Variants in PDX1 observed in about 807,000 individuals in gnomAD.
PDX1 encodes pancreatic and duodenal homeobox 1, also known as pancreas/duodenum homeobox protein 1.
Under a neutral mutation model 11.1 loss-of-function variants are expected in PDX1, and 7 were observed. The ratio of observed to expected loss-of-function variants is 0.63; its 90% CI spans 0.36 to 1.19. The LOEUF (loss-of-function observed/expected upper bound fraction) is 1.19. Ranked by LOEUF, PDX1 falls within the 50% of genes most tolerant of loss-of-function variation. The pLI, the probability that PDX1 is intolerant of heterozygous loss-of-function variation, is 0.02. For synonymous variants in PDX1, 232 were observed against 196.2 expected (o/e 1.18, Z -1.53); for missense variants, 449 against 412.1 (o/e 1.09, Z -0.78).
At chr13:27,921,441 G>T (rs1392889441) in intron 1 of PDX1, among the ~76,000 whole-genome samples, 2 of 152,222 alleles carry the variant, frequency 1.3e-5, no homozygotes, top group Non-Finnish European at 1.5e-5. Flanking sequence ...TTGCGGCCCC[G>T]CGCGAGCGGC....
Position 27,924,416 on chromosome 13 carries a change from C to T in PDX1, c.567C>T (p.His189=). The change falls in exon 2 of 2, where the codon CAC becomes CAT. Residue 189 remains histidine, a synonymous_variant. Transcript: ENST00000381033. The surrounding 1 kb of genome is among the most constrained non-coding windows in gnomAD (Gnocchi z 4.8). ...LAVMLNLTER[H]IKIWFQNRRM... ...TCATGTTGAACTTGACCGAGAGACA[C>T]ATCAAGATCTGGTTCCAAAACCGCC... 1.1e-5 allele frequency: 17 copies of T among 1,613,300 alleles called. No individual in the cohort carries two copies. Among genetic ancestry groups the T allele is most frequent in the Non-Finnish European group, 1.4e-5 (17 of 1,179,952 alleles).
chr13:27,920,636 G>C (rs1957779037), intron 1 of PDX1, 92 bp downstream of exon 1: 9 of 1,378,354 alleles, frequency 6.5e-6, no homozygotes, highest in Non-Finnish European at 9.2e-6. Flanking sequence ...TCTGTTCCCG[G>C]CGCCTTGGAT....
chr13:27,924,672 G>A lies in PDX1; in HGVS notation c.823G>A (p.Ala275Thr). The change falls in exon 2 of 2, where the codon GCG becomes ACG. Residue 275 changes from alanine (A) to threonine (T), a missense_variant. Physicochemically the swap from Ala to Thr is moderately conservative, Grantham distance 58 (BLOSUM62 0). Around this residue, in one of 3 missense-constraint regions of PDX1, gnomAD observed 139 missense variants for 121.4 expected, o/e 1.14. Transcript: ENST00000381033. This position sits in a 1 kb window ranked among gnomAD's most constrained non-coding sequence, Gnocchi z 4.8. ...CGCGTCGCCACAGCCCTCCAGCGTC[G>A]CGCCTCGGCGGCCGCAGGAACCACG... ...LSASPQPSSVAPRRPQEPR is the reference protein window; with the variant it reads ...LSASPQPSSVTPRRPQEPR The A allele has an allele frequency of 6.8e-7, 1 of 1,469,126 alleles. No homozygotes were observed. The highest frequency in any genetic ancestry group is 9.0e-7 in the Non-Finnish European group (1 of 1,115,818). The allele number at this position is 1,469,126 out of a possible 1,614,324, so 91.0% of individuals were successfully genotyped here. A position where few individuals can be genotyped will look rare whatever the true frequency, so the allele number is the denominator to read the frequency against.
chr13:27,922,912 C>A (rs540102428), intron 1 of PDX1, among the ~76,000 whole-genome samples: 12 of 152,192 alleles, frequency 7.9e-5, no homozygotes, highest in Non-Finnish European at 1.5e-4. Flanking sequence ...TTCGGGGATG[C>A]CCCCAGGGAG....
Position 27,925,229 on chromosome 13 carries a change from G to T in PDX1, c.*528G>T. On this transcript the variant is annotated 3_prime_UTR_variant, in exon 2 of 2. Coordinates refer to ENST00000381033, the MANE Select transcript of PDX1 (RefSeq NM_000209.4). ...CAAAGATCCCGTGAAATTGATGCCA[G>T]TGGAATACAGTGAGTCCTCCTCTTC... is the stretch of plus-strand genomic sequence containing the variant. 1 of 191,250 alleles carries T rather than the reference G, an allele frequency of 5.2e-6. No individual in the cohort carries two copies. Among genetic ancestry groups the T allele is most frequent in the Non-Finnish European group, 1.1e-5 (1 of 90,420 alleles). The allele number at this position is 191,250 out of a possible 1,614,324, so 11.8% of individuals were successfully genotyped here. A position where few individuals can be genotyped will look rare whatever the true frequency, so the allele number is the denominator to read the frequency against.
chr13:27,921,052 A>G (rs1199647039), intron 1 of PDX1, among the ~76,000 whole-genome samples: 4 of 152,154 alleles, frequency 2.6e-5, no homozygotes, highest in Admixed American at 2.6e-4. Flanking sequence ...GTAGGTGCAG[A>G]AAGGCAGGGA....
Position 27,924,154 on chromosome 13 carries a change from G to C in PDX1, c.407-102G>C. Reference sequence around the variant, plus strand: ...TTGGTGGCTCCGGCGGGAGCAGCTGGTAGGGCTAGGGCTCCCTGGCCCCCC... The same window carrying C: ...TTGGTGGCTCCGGCGGGAGCAGCTGCTAGGGCTAGGGCTCCCTGGCCCCCC... On this transcript the variant is annotated intron_variant, in intron 1 of 1. Coordinates refer to ENST00000381033, the MANE Select transcript of PDX1 (RefSeq NM_000209.4). The surrounding 1 kb of genome is among the most constrained non-coding windows in gnomAD (Gnocchi z 4.8). The C allele has an allele frequency of 9.8e-7, 1 of 1,021,654 alleles. No homozygotes were observed. The highest frequency in any genetic ancestry group is 2.7e-5 in the East Asian group (1 of 36,400). The allele number at this position is 1,021,654 out of a possible 1,614,324, so 63.3% of individuals were successfully genotyped here.
chr13:27,924,959 A>G lies in PDX1; in HGVS notation c.*258A>G. On this transcript the variant is annotated 3_prime_UTR_variant, in exon 2 of 2. Transcript: ENST00000381033. The surrounding 1 kb of genome is among the most constrained non-coding windows in gnomAD (Gnocchi z 4.8). ...GTAGTATTGGGGCCCTCTTTTAGTG[A>G]TACTGGATTGGCGTTGTTTGTGGCT... 7.3e-6 allele frequency: 3 copies of G among 409,624 alleles called. No homozygotes were observed. The highest frequency in any genetic ancestry group is 8.5e-6 in the Non-Finnish European group (2 of 235,172). 25.4% of individuals were successfully genotyped at this position (409,624 alleles called of 1,614,324 possible).
Position 27,924,576 on chromosome 13 carries a change from C to A in PDX1, c.727C>A (p.Pro243Thr), listed in dbSNP as rs955246004. Residue 243 changes from proline (P) to threonine (T), a missense_variant, in exon 2 of 2, where the codon CCC becomes ACC. Pro to Thr is a conservative substitution (Grantham distance 38). Coordinates refer to ENST00000381033, the MANE Select transcript of PDX1 (RefSeq NM_000209.4). This position sits in a 1 kb window ranked among gnomAD's most constrained non-coding sequence, Gnocchi z 4.8. ...EELLALPPPP[P>T]PGGAVPPAAP... ...GCTTCTGGCGCTGCCGCCGCCGCCG[C>A]CCCCCGGAGGTGCTGTGCCGCCCGC... The A allele has an allele frequency of 2.7e-6, 4 of 1,506,018 alleles. No individual in the cohort carries two copies. The highest frequency in any genetic ancestry group is 3.5e-6 in the Non-Finnish European group (4 of 1,132,182). 93.3% of individuals were successfully genotyped at this position (1,506,018 alleles called of 1,614,324 possible). A position where few individuals can be genotyped will look rare whatever the true frequency, so the allele number is the denominator to read the frequency against.
chr13:27,921,900 G>A (rs1438818820), intron 1 of PDX1, among the ~76,000 whole-genome samples: 1 of 152,172 alleles, frequency 6.6e-6, no homozygotes, highest in Non-Finnish European at 1.5e-5. Flanking sequence ...GCGCAGCCCG[G>A]GCCAAAGGCC....
intron 1 of PDX1, 61 bp downstream of exon 1, chr13:27,920,605 A>G (rs1371701623): frequency 1.9e-6 from 3 of 1,559,342 alleles, no homozygotes; most frequent in South Asian, 2.2e-5. Flanking sequence ...CTTACCTCCA[A>G]GCGCTCCCAG....
rs775667083 is a variant in PDX1, at chr13:27,924,666, A to G, written c.817A>G (p.Ser273Gly). The change falls in exon 2 of 2, where the codon AGC (serine) becomes GGC (glycine). Residue 273 changes from serine (S) to glycine (G), a missense_variant. By Grantham distance (56) the Ser-to-Gly change is moderately conservative (BLOSUM62 0). Coordinates refer to ENST00000381033, the MANE Select transcript of PDX1 (RefSeq NM_000209.4). The surrounding 1 kb of genome is among the most constrained non-coding windows in gnomAD (Gnocchi z 4.8). ...CCTTAGCGCGTCGCCACAGCCCTCC[A>G]GCGTCGCGCCTCGGCGGCCGCAGGA... ...PGLSASPQPS[S>G]VAPRRPQEPR The G allele has an allele frequency of 7.3e-5, 107 of 1,471,960 alleles. No individual in the cohort carries two copies. Among genetic ancestry groups the G allele is most frequent in the Non-Finnish European group, 8.8e-5 (98 of 1,117,164 alleles). 91.2% of individuals were successfully genotyped at this position (1,471,960 alleles called of 1,614,324 possible).
chr13:27,924,109 C>T lies in PDX1; in HGVS notation c.407-147C>T. On this transcript the variant is annotated intron_variant, in intron 1 of 1. Coordinates refer to ENST00000381033, the MANE Select transcript of PDX1 (RefSeq NM_000209.4). The surrounding 1 kb of genome is among the most constrained non-coding windows in gnomAD (Gnocchi z 4.8). ...GAGCTTCGCGCGCCTACACTAGGCGCTGAAATGGGATGCTGGGGCTTGGTG... is the reference window on the plus strand; with the variant it reads ...GAGCTTCGCGCGCCTACACTAGGCGTTGAAATGGGATGCTGGGGCTTGGTG... 1.5e-6 allele frequency: 1 copy of T among 653,316 alleles called. No homozygotes were observed. The highest frequency in any genetic ancestry group is 2.5e-6 in the Non-Finnish European group (1 of 396,986). The allele number at this position is 653,316 out of a possible 1,614,324, so 40.5% of individuals were successfully genotyped here. A position where few individuals can be genotyped will look rare whatever the true frequency, so the allele number is the denominator to read the frequency against.
chr13:27,922,781 C>CCGCA (rs1957797130), intron 1 of PDX1, among the ~76,000 whole-genome samples: 1 of 152,204 alleles, frequency 6.6e-6, no homozygotes, highest in African/African-American at 2.4e-5. Context: ...TATACGAAGC[C>CCGCA]CGCAGCCTAA....
rs1957805765 is a variant in PDX1, at chr13:27,924,081, G to A, written c.407-175G>A. 1.3e-5 allele frequency among the ~76,000 whole-genome samples: 2 copies of A among 152,236 alleles called. No individual in the cohort carries two copies. The highest frequency in any genetic ancestry group is 4.8e-5 in the African/African-American group (2 of 41,458). On this transcript the variant is annotated intron_variant, in intron 1 of 1. Transcript: ENST00000381033. This position sits in a 1 kb window ranked among gnomAD's most constrained non-coding sequence, Gnocchi z 4.8. ...ATTAGGAAGGGCTTGAGTTACTAGG[G>A]AAGAGCTTCGCGCGCCTACACTAGG...
intron 1 of PDX1, among the ~76,000 whole-genome samples, chr13:27,921,546 C>T (rs911089925): frequency 6.6e-6 from 1 of 152,222 alleles, no homozygotes; most frequent in African/African-American, 2.4e-5. Flanking sequence ...AAATAGTTGC[C>T]TTTTCCTTTC....
intron 1 of PDX1, 116 bp downstream of exon 1, chr13:27,920,660 A>T: frequency 2.8e-6 from 3 of 1,064,820 alleles, no homozygotes; most frequent in Non-Finnish European, 4.3e-6. Flanking sequence ...CCCGGGTCGG[A>T]CTAAACTACA....
At position 27,924,583 on chromosome 13, in the gene PDX1, G is replaced by GA. The variant is rs1566025744; in HGVS notation, c.735dup (p.Gly246ArgfsTer21). 7 of 1,501,246 alleles carry GA rather than the reference G, an allele frequency of 4.7e-6. No individual in the cohort carries two copies. The East Asian group carries it at 1.8e-4, about 39-fold the overall frequency. 93.0% of individuals were successfully genotyped at this position (1,501,246 alleles called of 1,614,324 possible). ...GCGCTGCCGCCGCCGCCGCCCCCCG[G>GA]AGGTGCTGTGCCGCCCGCTGCCCCC... is the stretch of plus-strand genomic sequence containing the variant. On this transcript the variant is annotated frameshift_variant, in exon 2 of 2. Transcript: ENST00000381033. LOFTEE classifies it low-confidence loss of function (END_TRUNC). This position sits in a 1 kb window ranked among gnomAD's most constrained non-coding sequence, Gnocchi z 4.8.
chr13:27,923,403 G>A (rs756714914), intron 1 of PDX1, among the ~76,000 whole-genome samples: 1 of 152,244 alleles, frequency 6.6e-6, no homozygotes, highest in Non-Finnish European at 1.5e-5. Context: ...GATCCAGGGC[G>A]TAGAGTCTGG....
Sources: allele counts gnomAD v4.1 joint callset (sites outside exome capture counted in the v4.1 genomes callset), GRCh38; gene constraint gnomAD v4.1.1; regional missense constraint gnomAD v4.1.1; non-coding constraint Gnocchi (gnomAD v3.1); transcripts MANE v1.5; gene names NCBI Gene and HGNC (gene_info 2026-07-23, HGNC 2026-07-21).